RBFOX1: variants seen among roughly 807,000 people sequenced by gnomAD.
RBFOX1 encodes the protein RNA binding protein fox-1 homolog 1.
RBFOX1 carries 8 observed loss-of-function variants against 57.7 expected under a neutral mutation model. That is an observed-to-expected ratio of 0.14 (90% confidence interval 0.08 to 0.25). RBFOX1 has a LOEUF of 0.25. Ranked by LOEUF, RBFOX1 falls within the 10% of genes least tolerant of loss-of-function variation. RBFOX1 has a pLI of 1.00. For missense variants in RBFOX1, 611 were observed against 548.5 expected, an observed-to-expected ratio of 1.11 and a Z score of -1.14; for synonymous variants, 326 against 222.4, an observed-to-expected ratio of 1.47 and a Z score of -4.15.
intron 1 of RBFOX1, among the ~76,000 whole-genome samples, chr16:6,198,791 A>T (rs903743535): frequency 6.6e-6 from 1 of 152,140 alleles, no homozygotes; most frequent in African/African-American, 2.4e-5. Context: ...TGGCTTAAGT[A>T]TAATACTAAT....
At chr16:5,379,146 A>G (rs2066066813) in intron 1 of RBFOX1, among the ~76,000 whole-genome samples, 1 of 151,626 alleles carries the variant, frequency 6.6e-6, no homozygotes. Flanking sequence ...TGCCGTTAGG[A>G]GCCAGGGCCA....
At chr16:6,384,762 G>C (rs575309132) in intron 2 of RBFOX1, among the ~76,000 whole-genome samples, 1 of 152,152 alleles carries the variant, frequency 6.6e-6, no homozygotes, top group African/African-American at 2.4e-5. Flanking sequence ...AAAGACCAAG[G>C]CTTCAAGCTT....
At chr16:7,677,967 G>C (rs187285154) in intron 14 of RBFOX1, among the ~76,000 whole-genome samples, 3 of 152,286 alleles carry the variant, frequency 2.0e-5, no homozygotes, top group African/African-American at 7.2e-5. Context: ...ACGAGACGTG[G>C]TGTTAGCTAA....
At chr16:6,899,858 T>C (rs982688586) in intron 3 of RBFOX1, among the ~76,000 whole-genome samples, 1 of 152,168 alleles carries the variant, frequency 6.6e-6, no homozygotes, top group African/African-American at 2.4e-5. Context: ...TAAATAATAG[T>C]AGGGCCATGT....
chr16:7,292,961 G>T lies in RBFOX1; in HGVS notation c.28-225186G>T, dbSNP rs115019014. On this transcript the variant is annotated intron_variant, in intron 4 of 15. Transcript: ENST00000550418. ...ACAGAGGATGAAGGGGTGAGGATAC[G>T]AATTTGTTCTCTGGCTCTCAAAAAG... 4.9e-3 allele frequency among the ~76,000 whole-genome samples: 745 copies of T among 152,194 alleles called. 9 individuals carry two copies. Among genetic ancestry groups the T allele is most frequent in the African/African-American group, 0.017 (712 of 41,520 alleles).
chr16:7,479,314 G>A (rs2063404811), intron 4 of RBFOX1, among the ~76,000 whole-genome samples: 1 of 151,972 alleles, frequency 6.6e-6, no homozygotes. Flanking sequence ...TAGTTTTGTA[G>A]AGATGGGGGT....
chr16:6,288,518 A>G (rs543595165), intron 1 of RBFOX1, among the ~76,000 whole-genome samples: 1 of 152,294 alleles, frequency 6.6e-6, no homozygotes, highest in South Asian at 2.1e-4. Flanking sequence ...TTTGTGACAA[A>G]CCACATACAT....
intron 2 of RBFOX1, among the ~76,000 whole-genome samples, chr16:6,585,876 A>G (rs1567779302): frequency 1.3e-5 from 2 of 152,224 alleles, no homozygotes; most frequent in South Asian, 4.1e-4. Flanking sequence ...ATAGGTATGC[A>G]TGAGTATTGT....
At chr16:5,460,384 C>G (rs1197936475) in intron 1 of RBFOX1, among the ~76,000 whole-genome samples, 3 of 152,226 alleles carry the variant, frequency 2.0e-5, no homozygotes, top group East Asian at 1.9e-4. Flanking sequence ...ATTATCCCAT[C>G]TACACCACTG....
At chr16:5,666,756 C>T (rs988479210) in intron 3 of RBFOX1, among the ~76,000 whole-genome samples, 1 of 152,190 alleles carries the variant, frequency 6.6e-6, no homozygotes, top group Non-Finnish European at 1.5e-5. Context: ...ATTTCTCCTG[C>T]TTAAGGAGTC....
At chr16:6,661,624 G>A (rs1236012147) in intron 3 of RBFOX1, among the ~76,000 whole-genome samples, 2 of 152,178 alleles carry the variant, frequency 1.3e-5, no homozygotes, top group East Asian at 1.9e-4. Context: ...AAGAACTGGG[G>A]TTGGAGCCCA....
At chr16:7,231,719 A>AT (rs1490715625) in intron 4 of RBFOX1, among the ~76,000 whole-genome samples, 4 of 152,238 alleles carry the variant, frequency 2.6e-5, no homozygotes, top group African/African-American at 9.6e-5. Flanking sequence ...TCATTGAGCC[A>AT]TAAAAAGGAA....
At chr16:6,415,692 CTG>C (rs2152979418) in intron 2 of RBFOX1, among the ~76,000 whole-genome samples, 1 of 152,244 alleles carries the variant, frequency 6.6e-6, no homozygotes, top group South Asian at 2.1e-4. Context: ...CAAAGCAATA[CTG>C]TGCCTCAAAC....
intron 3 of RBFOX1, among the ~76,000 whole-genome samples, chr16:5,820,718 G>A (rs1193442769): frequency 6.6e-6 from 1 of 152,138 alleles, no homozygotes; most frequent in Admixed American, 6.6e-5. Context: ...CTCCAGCAGC[G>A]TCCTGAGTGA....
At chr16:5,398,921 A>G (rs2066637293) in intron 1 of RBFOX1, among the ~76,000 whole-genome samples, 1 of 152,210 alleles carries the variant, frequency 6.6e-6, no homozygotes, top group Non-Finnish European at 1.5e-5. Flanking sequence ...GAGGCTGTGA[A>G]CCAGAAAGGT....
intron 1 of RBFOX1, among the ~76,000 whole-genome samples, chr16:5,310,023 T>C (rs961944740): frequency 6.6e-6 from 1 of 152,222 alleles, no homozygotes; most frequent in Non-Finnish European, 1.5e-5. Flanking sequence ...GGCTTAGCCA[T>C]GGATGCACTT....
At chr16:6,888,180 C>T (rs185718239) in intron 3 of RBFOX1, among the ~76,000 whole-genome samples, 2 of 152,214 alleles carry the variant, frequency 1.3e-5, no homozygotes, top group East Asian at 1.9e-4. Flanking sequence ...ACATTTTGAA[C>T]ATTTTATTTC....
intron 4 of RBFOX1, among the ~76,000 whole-genome samples, chr16:5,923,530 C>CTTTTTTTTTTTTTT (rs71404564): frequency 9.1e-6 from 1 of 109,376 alleles, no homozygotes; most frequent in Non-Finnish European, 1.8e-5. Context: ...CAGAGCCAGG[C>CTTTTTTTTTTTTTT]TTTTTTTTTT....
intron 1 of RBFOX1, among the ~76,000 whole-genome samples, chr16:5,426,848 T>TA (rs1473467722): frequency 2.6e-5 from 4 of 152,142 alleles, no homozygotes; most frequent in Non-Finnish European, 5.9e-5. Context: ...ACCAGGTGGT[T>TA]AAACAACGCA....
Sources: gnomAD v4.1 joint callset for allele counts (sites outside exome capture counted in the v4.1 genomes callset) on GRCh38, gnomAD v4.1.1 for gene constraint, MANE v1.5 for transcripts, NCBI Gene and HGNC (gene_info 2026-07-23, HGNC 2026-07-21) for gene names.